Variants in BRD4 observed in about 807,000 individuals in gnomAD.
The protein encoded by BRD4 is bromodomain containing 4, also known as bromodomain-containing protein 4.
Under a neutral mutation model 142.1 loss-of-function variants are expected in BRD4, and 16 were observed. The ratio of observed to expected loss-of-function variants is 0.11; its 90% confidence interval spans 0.08 to 0.17. The LOEUF is 0.17. BRD4 is among the 10% of genes least tolerant of loss of function. The pLI is 1.00. For missense variants in BRD4, 1,424 were observed against 1,810.9 expected (o/e 0.79, Z 3.88); for synonymous variants, 833 against 707.5 (o/e 1.18, Z -2.82).
chr19:15,272,447 T>C (rs1280383470), intron 2 of BRD4, among the ~76,000 whole-genome samples: 1 of 152,150 alleles, frequency 6.6e-6, no homozygotes, highest in African/African-American at 2.4e-5. Flanking sequence ...CGTCTACTTA[T>C]CCTTGATCAA....
rs1030129252 is a variant in BRD4 at position 15,265,647 on chromosome 19, C to A, written c.560-4G>T. On this transcript the variant is annotated splice_region_variant and splice_polypyrimidine_tract_variant and intron_variant, in intron 4 of 19. Coordinates refer to ENST00000679869, the MANE Select transcript of BRD4 (RefSeq NM_001379291.1). ...GAAACGCCAGGTTTTGCTGTCCCTACAAATCATAATAAGACGGCGAGTTAG... is the reference window on the plus strand; with the variant it reads ...GAAACGCCAGGTTTTGCTGTCCCTAAAAATCATAATAAGACGGCGAGTTAG... 6.2e-7 allele frequency: 1 copy of A among 1,613,970 alleles called. No homozygotes were observed. The highest frequency in any genetic ancestry group is 1.3e-5 in the African/African-American group (1 of 74,896).
rs530872692 is a variant in BRD4, at chr19:15,249,070, G to C, written c.2159-4308C>G. On this transcript the variant is annotated intron_variant, in intron 11 of 19. Transcript: ENST00000679869. ...TTTACACAGAGAGGCCTGGGCGGCT[G>C]GCCAGGCAGGCAGCCTTCCCGAAGG... The C allele has an allele frequency of 1.2e-3, 854 of 706,320 alleles. No homozygotes were observed. The highest frequency in any genetic ancestry group is 1.6e-3 in the Middle Eastern group (5 of 3,042). The allele number at this position is 706,320 out of a possible 1,614,324, so 43.8% of individuals were successfully genotyped here. A position where few individuals can be genotyped will look rare whatever the true frequency, so the allele number is the denominator to read the frequency against.
chr19:15,300,946 AG>A (rs1339709295), intron 1 of BRD4, among the ~76,000 whole-genome samples: 1 of 152,260 alleles, frequency 6.6e-6, no homozygotes, highest in Non-Finnish European at 1.5e-5. Context: ...ACCAAAAGAA[AG>A]AAAAACATGT....
chr19:15,291,201 G>A (rs967764543), intron 1 of BRD4, among the ~76,000 whole-genome samples: 4 of 152,162 alleles, frequency 2.6e-5, no homozygotes, highest in Non-Finnish European at 5.9e-5. Flanking sequence ...AGAACAGACT[G>A]CAAATCAGCT....
chr19:15,308,608 A>G (rs1270743879), intron 1 of BRD4, among the ~76,000 whole-genome samples: 1 of 151,770 alleles, frequency 6.6e-6, no homozygotes, highest in Non-Finnish European at 1.5e-5. Context: ...AAGTAATAGT[A>G]TAAGCTGTGA....
chr19:15,296,992 TC>T (rs1453471923), intron 1 of BRD4, among the ~76,000 whole-genome samples: 1 of 152,120 alleles, frequency 6.6e-6, no homozygotes, highest in Non-Finnish European at 1.5e-5. Context: ...TTTGTTCAGA[TC>T]CTGCCCCTGG....
intron 11 of BRD4, chr19:15,253,889 G>T: frequency 9.9e-7 from 1 of 1,011,812 alleles, no homozygotes; most frequent in Non-Finnish European, 1.4e-6. Flanking sequence ...CAGTGTCAAC[G>T]CCCTTGGCCA....
intron 1 of BRD4, among the ~76,000 whole-genome samples, chr19:15,314,986 T>C (rs543382675): frequency 6.6e-6 from 1 of 152,302 alleles, no homozygotes; most frequent in East Asian, 1.9e-4. Context: ...CCCAGGGTGC[T>C]ACATGACAGG....
At chr19:15,255,972 A>C (rs1599451457) in intron 9 of BRD4, 92 bp downstream of exon 9, 1 of 1,527,048 alleles carries the variant, frequency 6.5e-7, no homozygotes, top group East Asian at 2.3e-5. Context: ...CTCCGCACCC[A>C]ATGAGGACAG....
chr19:15,278,433 G>A (rs2047672696), intron 1 of BRD4, among the ~76,000 whole-genome samples: 1 of 151,520 alleles, frequency 6.6e-6, no homozygotes, highest in Non-Finnish European at 1.5e-5. Context: ...TACTCCAGAG[G>A]CTGAGACAGG....
At position 15,238,848 on chromosome 19, in the gene BRD4, A is replaced by T. The variant is rs1263981984; in HGVS notation, c.3915T>A (p.Ala1305=). 6.2e-7 allele frequency: 1 copy of T among 1,601,456 alleles called. No homozygotes were observed. Among genetic ancestry groups the T allele is most frequent in the Non-Finnish European group, 8.5e-7 (1 of 1,174,518 alleles). The change falls in exon 19 of 20, where the codon GCT becomes GCA. Residue 1305 remains alanine, a synonymous_variant. Coordinates refer to ENST00000679869, the MANE Select transcript of BRD4 (RefSeq NM_001379291.1). This position sits in a 1 kb window ranked among gnomAD's most constrained non-coding sequence, Gnocchi z 7.2. ...QQQQQQAAAV[A]AAATPQAQSS... ...TCTGGGCCTGTGGGGTGGCGGCGGC[A>T]GCCACCGCAGCTGCTTGCTGTTGCT... is the stretch of plus-strand genomic sequence containing the variant.
intron 11 of BRD4, among the ~76,000 whole-genome samples, chr19:15,246,103 C>A (rs1438910518): frequency 1.3e-5 from 2 of 152,202 alleles, no homozygotes; most frequent in African/African-American, 4.8e-5. Context: ...GGGGCTGCAA[C>A]TGGGGACACG....
chr19:15,264,986 T>A (rs2047516424), intron 5 of BRD4, among the ~76,000 whole-genome samples: 1 of 152,166 alleles, frequency 6.6e-6, no homozygotes, highest in African/African-American at 2.4e-5. Flanking sequence ...GGAGAAAGCA[T>A]AAAACTGTGT....
At chr19:15,317,436 T>G (rs1336264477) in intron 1 of BRD4, among the ~76,000 whole-genome samples, 1 of 152,146 alleles carries the variant, frequency 6.6e-6, no homozygotes, top group African/African-American at 2.4e-5. Flanking sequence ...AAAACAGGCA[T>G]GCAGTAAGCA....
At chr19:15,251,076 C>G (rs2047338637) in intron 11 of BRD4, among the ~76,000 whole-genome samples, 1 of 152,256 alleles carries the variant, frequency 6.6e-6, no homozygotes, top group Non-Finnish European at 1.5e-5. Flanking sequence ...GGCTGGCCCA[C>G]TGCACTGCAT....
intron 1 of BRD4, among the ~76,000 whole-genome samples, chr19:15,276,133 A>T (rs1376953716): frequency 6.6e-6 from 1 of 152,222 alleles, no homozygotes; most frequent in East Asian, 1.9e-4. Context: ...ACCTACTGCT[A>T]TGCCCACAGC....
intron 1 of BRD4, among the ~76,000 whole-genome samples, chr19:15,287,512 T>C (rs1168410931): frequency 6.6e-6 from 1 of 152,176 alleles, no homozygotes; most frequent in Non-Finnish European, 1.5e-5. Flanking sequence ...CCCAAAGTGC[T>C]GGGACTACAG....
rs1336565584 is a variant in BRD4 at position 15,293,650 on chromosome 19, T to G, written c.-34-20517A>C. On this transcript the variant is annotated intron_variant, in intron 1 of 19. Transcript: ENST00000679869. The stretch of plus-strand genomic sequence containing the variant: ...AGCACACCTATATTTTAAATGTTTA[T>G]TGTAAAATACACAGAACCTAAAATC... 2.0e-5 allele frequency among the ~76,000 whole-genome samples: 3 copies of G among 152,220 alleles called. No individual in the cohort carries two copies. The East Asian group carries it at 5.8e-4, about 29-fold the overall frequency.
At chr19:15,305,577 T>C (rs977274897) in intron 1 of BRD4, among the ~76,000 whole-genome samples, 9 of 152,258 alleles carry the variant, frequency 5.9e-5, no homozygotes, top group African/African-American at 2.2e-4. Flanking sequence ...ACAGATGTGC[T>C]GTCACCCAGA....
Sources: allele counts gnomAD v4.1 joint callset (sites outside exome capture counted in the v4.1 genomes callset), GRCh38; gene constraint gnomAD v4.1.1; non-coding constraint Gnocchi (gnomAD v3.1); transcripts MANE v1.5; gene names NCBI Gene and HGNC (gene_info 2026-07-23, HGNC 2026-07-21).